DTNA: variants seen among roughly 807,000 people sequenced by gnomAD.
The protein encoded by DTNA is dystrobrevin alpha, also known as dystrophin-related protein 3.
A neutral mutation model predicts 100.7 loss-of-function variants in DTNA; 43 were observed. That is an observed-to-expected ratio of 0.43 (90% CI 0.33 to 0.55). DTNA has a LOEUF of 0.55. Among genes scored for constraint, DTNA ranks in the 20% least tolerant of loss-of-function variants. The pLI is 0.04. For synonymous variants in DTNA, 349 were observed against 347.9 expected (o/e 1.00, Z -0.04); for missense variants, 798 against 953.9 (o/e 0.84, Z 2.15).
chr18:34,531,954 G>A (rs2043179811), intron 1 of DTNA, among the ~76,000 whole-genome samples: 1 of 152,098 alleles, frequency 6.6e-6, no homozygotes, highest in African/African-American at 2.4e-5. Flanking sequence ...TGAATAGAAG[G>A]CCTTTCAGGG....
intron 13 of DTNA, 91 bp from the exon 14 acceptor site, chr18:34,848,205 C>A: frequency 7.9e-7 from 1 of 1,258,994 alleles, no homozygotes; most frequent in Non-Finnish European, 1.1e-6. Flanking sequence ...TGCACCAAAA[C>A]ATTGAAATAG....
At chr18:34,497,262 A>G (rs1252527552) in intron 1 of DTNA, among the ~76,000 whole-genome samples, 2 of 152,124 alleles carry the variant, frequency 1.3e-5, no homozygotes, top group Non-Finnish European at 2.9e-5. Flanking sequence ...TCAACTACCC[A>G]AAAGAAGAGA....
intron 1 of DTNA, among the ~76,000 whole-genome samples, chr18:34,745,572 T>C (rs1227254229): frequency 6.6e-6 from 1 of 152,206 alleles, no homozygotes; most frequent in Non-Finnish European, 1.5e-5. Flanking sequence ...GGGTTGTGTA[T>C]CCAGGTATTC....
chr18:34,778,213 A>T (rs778270217), intron 3 of DTNA, among the ~76,000 whole-genome samples: 1 of 152,202 alleles, frequency 6.6e-6, no homozygotes, highest in African/African-American at 2.4e-5. Flanking sequence ...CCTACAGGAG[A>T]TGGGGAGGGA....
At chr18:34,859,184 A>G (rs2096587471) in intron 16 of DTNA, among the ~76,000 whole-genome samples, 1 of 152,236 alleles carries the variant, frequency 6.6e-6, no homozygotes, top group African/African-American at 2.4e-5. Context: ...TACTTGAGTT[A>G]GAAGGGACTA....
At chr18:34,573,084 A>G (rs560700779) in intron 1 of DTNA, among the ~76,000 whole-genome samples, 1 of 152,328 alleles carries the variant, frequency 6.6e-6, no homozygotes, top group East Asian at 1.9e-4. Flanking sequence ...CTCAGTAAAC[A>G]TGGGTTCCTT....
intron 1 of DTNA, among the ~76,000 whole-genome samples, chr18:34,686,350 G>A (rs796129818): frequency 1.3e-5 from 2 of 152,194 alleles, no homozygotes; most frequent in African/African-American, 4.8e-5. Context: ...TAGCATGAAG[G>A]GGTGTTGAAT....
rs941299458 is a variant in DTNA at position 34,714,248 on chromosome 18, A to C, written c.-2+3803A>C. 8.6e-5 allele frequency among the ~76,000 whole-genome samples: 13 copies of C among 150,390 alleles called. No homozygotes were observed. In the South Asian group the frequency reaches 2.5e-3, roughly 29 times the overall value. On this transcript the variant is annotated intron_variant, in intron 1 of 22. Coordinates refer to ENST00000444659, the MANE Select transcript of DTNA (RefSeq NM_001386795.1). ...TTGACAAATGGGATCTAATTAAACT[A>C]AAGAGCTTCTCCACAGCAAAAGAAA... is the stretch of plus-strand genomic sequence containing the variant.
intron 8 of DTNA, 137 bp from the exon 9 acceptor site, chr18:34,820,654 C>T: frequency 7.1e-7 from 1 of 1,410,362 alleles, no homozygotes; most frequent in Non-Finnish European, 9.7e-7. Flanking sequence ...GAGCATTGAG[C>T]AAACTTCCAG....
chr18:34,528,848 A>T (rs941016401), intron 1 of DTNA, among the ~76,000 whole-genome samples: 1 of 152,114 alleles, frequency 6.6e-6, no homozygotes, highest in Non-Finnish European at 1.5e-5. Flanking sequence ...AGTTGATACC[A>T]GTAGCATAAT....
chr18:34,581,164 C>T (rs2048577871), intron 1 of DTNA, among the ~76,000 whole-genome samples: 3 of 152,196 alleles, frequency 2.0e-5, no homozygotes, highest in African/African-American at 7.2e-5. Context: ...AGGAGAATGG[C>T]GTGAACCCGG....
At chr18:34,578,562 G>GTT (rs145048255) in intron 1 of DTNA, among the ~76,000 whole-genome samples, 4 of 152,070 alleles carry the variant, frequency 2.6e-5, no homozygotes, top group African/African-American at 9.6e-5. Flanking sequence ...GTCTGGAAGG[G>GTT]TTTTTTTGAT....
At chr18:34,702,815 G>C (rs988046741) in intron 1 of DTNA, among the ~76,000 whole-genome samples, 13 of 152,004 alleles carry the variant, frequency 8.6e-5, no homozygotes, top group African/African-American at 3.1e-4. Context: ...CAATCATAAA[G>C]CCATGAACTC....
intron 1 of DTNA, among the ~76,000 whole-genome samples, chr18:34,548,497 A>G (rs2145882035): frequency 6.6e-6 from 1 of 152,286 alleles, no homozygotes. Context: ...GGCATTTTAC[A>G]ATCGAAGCAT....
At chr18:34,549,007 C>T (rs1461831521) in intron 1 of DTNA, among the ~76,000 whole-genome samples, 2 of 152,042 alleles carry the variant, frequency 1.3e-5, no homozygotes, top group Non-Finnish European at 2.9e-5. Context: ...ATTTCTTTCC[C>T]TTATTCCCAC....
At chr18:34,639,187 G>T (rs940092594) in intron 1 of DTNA, among the ~76,000 whole-genome samples, 2 of 152,180 alleles carry the variant, frequency 1.3e-5, no homozygotes, top group Non-Finnish European at 2.9e-5. Flanking sequence ...ACCAGAGATT[G>T]TCAGCCTCTT....
chr18:34,597,984 A>G (rs558544961), intron 1 of DTNA, among the ~76,000 whole-genome samples: 1 of 152,332 alleles, frequency 6.6e-6, no homozygotes, highest in African/African-American at 2.4e-5. Context: ...ACCACTCAAA[A>G]AAATGTTTAA....
At chr18:34,790,716 A>T (rs1240456396) in intron 3 of DTNA, among the ~76,000 whole-genome samples, 7 of 151,904 alleles carry the variant, frequency 4.6e-5, no homozygotes, top group Non-Finnish European at 2.9e-5. Context: ...CATACAAGTG[A>T]TATGTCAAAT....
upstream of DTNA, among the ~76,000 whole-genome samples, chr18:34,706,009 G>A (rs373278614): frequency 8.5e-5 from 13 of 152,188 alleles, no homozygotes; most frequent in East Asian, 3.9e-4. Context: ...GTGTAGTGGC[G>A]TGATCTCAGC....
Sources: gnomAD v4.1 joint callset for allele counts (sites outside exome capture counted in the v4.1 genomes callset) on GRCh38, gnomAD v4.1.1 for gene constraint, MANE v1.5 for transcripts, NCBI Gene and HGNC (gene_info 2026-07-23, HGNC 2026-07-21) for gene names.